FHL3: variants seen among roughly 807,000 people sequenced by gnomAD.
FHL3 encodes the protein four and a half LIM domains protein 3.
In FHL3, 21 loss-of-function variants were observed where a neutral mutation model predicts 34.3. That is an observed-to-expected ratio of 0.61 (90% CI 0.43 to 0.88). FHL3 has a LOEUF of 0.88. Among genes scored for constraint, FHL3 ranks in the 40% least tolerant of loss-of-function variants. The pLI, the probability that FHL3 is intolerant of heterozygous loss-of-function variation, is 0.00. For missense variants in FHL3, 333 were observed against 373.7 expected (o/e 0.89, Z 0.90); for synonymous variants, 137 against 144.6 (o/e 0.95, Z 0.38).
In FHL3 at chr1:37,997,478, G is replaced by A. The variant is rs977074348; in HGVS notation, c.770C>T (p.Ser257Phe). Reference sequence around the variant, plus strand: ...CGGTACGAAGCCCTGGCCCACCAGGGAGGTAGAGCAGCGGGCGCAGGAGAA... The same window carrying A: ...CGGTACGAAGCCCTGGCCCACCAGGAAGGTAGAGCAGCGGGCGCAGGAGAA... ...NCFSCARCST[S>F]LVGQGFVPDG... Residue 257 changes from serine to phenylalanine, a missense_variant, in exon 6 of 6, where the codon TCC (serine) becomes TTC (phenylalanine). Transcript: ENST00000373016. The surrounding 1 kb of genome is among the most constrained non-coding windows in gnomAD (Gnocchi z 4.3). 4 of 1,613,924 alleles carry A rather than the reference G, an allele frequency of 2.5e-6. No individual in the cohort carries two copies. The African/African-American group carries it at 5.3e-5, about 22-fold the overall frequency.
chr1:37,999,947 T>C (rs1646577151), intron 1 of FHL3, among the ~76,000 whole-genome samples: 1 of 152,236 alleles, frequency 6.6e-6, no homozygotes, highest in African/African-American at 2.4e-5. Flanking sequence ...CTGCCCCTCC[T>C]GATCCAGAAA....
chr1:38,001,648 C>A (rs992073436), intron 1 of FHL3, among the ~76,000 whole-genome samples: 1 of 152,212 alleles, frequency 6.6e-6, no homozygotes, highest in Non-Finnish European at 1.5e-5. Context: ...CTGAAGGGAG[C>A]CAGCCTTGTA....
Position 38,000,790 on chromosome 1 carries a change from C to G in FHL3, c.-20-1358G>C, listed in dbSNP as rs532393227. Among the ~76,000 whole-genome samples, 3 of 152,148 alleles carry G rather than the reference C, an allele frequency of 2.0e-5. No individual in the cohort carries two copies. In the South Asian group the frequency reaches 6.2e-4, roughly 32 times the overall value. ...TCTCCTCCATCATGAAGGCTGCTCT[C>G]TAAGGGCTGGGATCCTGGGGTAGTG... is the stretch of plus-strand genomic sequence containing the variant. On this transcript the variant is annotated intron_variant, in intron 1 of 5. Coordinates refer to ENST00000373016, the MANE Select transcript of FHL3 (RefSeq NM_004468.5).
intron 1 of FHL3, among the ~76,000 whole-genome samples, chr1:38,004,106 C>G (rs537082737): frequency 1.3e-5 from 2 of 152,104 alleles, no homozygotes; most frequent in Non-Finnish European, 2.9e-5. Flanking sequence ...CCTCTGCTAC[C>G]GGGCACCAAC....
In FHL3 at chr1:37,997,378, G is replaced by A. The variant is rs1241566706; in HGVS notation, c.*27C>T. The stretch of plus-strand genomic sequence containing the variant: ...GCCACAGTCCTGGGCCCGTGGTATG[G>A]GAAAGCCTGGGTCCAGGAGCCCTGG... On this transcript the variant is annotated 3_prime_UTR_variant, in exon 6 of 6. Transcript: ENST00000373016. This position sits in a 1 kb window ranked among gnomAD's most constrained non-coding sequence, Gnocchi z 4.3. 6.9e-6 allele frequency: 11 copies of A among 1,595,550 alleles called. No individual in the cohort carries two copies. Among genetic ancestry groups the A allele is most frequent in the Non-Finnish European group, 9.3e-6 (11 of 1,176,966 alleles).
chr1:37,997,385 C>G lies in FHL3; in HGVS notation c.*20G>C, dbSNP rs754841380. The G allele has an allele frequency of 6.3e-7, 1 of 1,598,270 alleles. No individual in the cohort carries two copies. Among genetic ancestry groups the G allele is most frequent in the East Asian group, 2.2e-5 (1 of 44,854 alleles). On this transcript the variant is annotated 3_prime_UTR_variant, in exon 6 of 6. Coordinates refer to ENST00000373016, the MANE Select transcript of FHL3 (RefSeq NM_004468.5). This position sits in a 1 kb window ranked among gnomAD's most constrained non-coding sequence, Gnocchi z 4.3. ...TCCTGGGCCCGTGGTATGGGAAAGCCTGGGTCCAGGAGCCCTGGCTTAGGG... is the reference window on the plus strand; with the variant it reads ...TCCTGGGCCCGTGGTATGGGAAAGCGTGGGTCCAGGAGCCCTGGCTTAGGG...
intron 1 of FHL3, among the ~76,000 whole-genome samples, chr1:38,001,940 T>G (rs1209173578): frequency 1.3e-5 from 2 of 152,154 alleles, no homozygotes; most frequent in Admixed American, 1.3e-4. Context: ...CCTCCTAAGT[T>G]TGTTGTCAGG....
chr1:38,005,062 T>TGGTC (rs940835635), intron 1 of FHL3, among the ~76,000 whole-genome samples: 58 of 152,262 alleles, frequency 3.8e-4, no homozygotes, highest in African/African-American at 1.3e-3. Context: ...CCAGCGCTTC[T>TGGTC]GGTCGGTCGG....
intron 1 of FHL3, among the ~76,000 whole-genome samples, chr1:37,999,778 C>T (rs374183744): frequency 9.9e-5 from 15 of 152,240 alleles, no homozygotes; most frequent in African/African-American, 2.9e-4. Context: ...CTGTCCCCAG[C>T]GTGGGAGAAG....
chr1:38,001,345 G>A (rs1020498101), intron 1 of FHL3, among the ~76,000 whole-genome samples: 3 of 152,226 alleles, frequency 2.0e-5, no homozygotes, highest in Non-Finnish European at 4.4e-5. Context: ...CGTCCACAGG[G>A]GGTGCCTGGG....
intron 1 of FHL3, among the ~76,000 whole-genome samples, chr1:38,000,229 G>T (rs1173382700): frequency 6.6e-6 from 1 of 152,232 alleles, no homozygotes; most frequent in East Asian, 1.9e-4. Flanking sequence ...CAGATGGCCA[G>T]ATGTCAGGTT....
At chr1:38,004,725 G>A (rs899432311) in intron 1 of FHL3, among the ~76,000 whole-genome samples, 2 of 152,070 alleles carry the variant, frequency 1.3e-5, no homozygotes, top group African/African-American at 4.8e-5. Flanking sequence ...ACCTCTGCAC[G>A]CCTGAATGTC....
At chr1:37,999,558 G>C in intron 1 of FHL3, 126 bp from the exon 2 acceptor site, 1 of 827,362 alleles carries the variant, frequency 1.2e-6, no homozygotes, top group East Asian at 2.7e-5. Context: ...TTCAGAGTAG[G>C]TGGGGATGGG....
In FHL3 at chr1:37,997,677, G is replaced by A; in HGVS notation, c.688+7C>T. ...CTACCCACTCCGTTCTTTGACCCTT[G>A]TCCCACCTACGATGGGGCGCTTGCA... On this transcript the variant is annotated splice_region_variant and intron_variant, in intron 5 of 5. Coordinates refer to ENST00000373016, the MANE Select transcript of FHL3 (RefSeq NM_004468.5). The surrounding 1 kb of genome is among the most constrained non-coding windows in gnomAD (Gnocchi z 4.3). 1 of 1,613,932 alleles carries A rather than the reference G, an allele frequency of 6.2e-7. No individual in the cohort carries two copies. Among genetic ancestry groups the A allele is most frequent in the African/African-American group, 1.3e-5 (1 of 75,016 alleles).
rs772745372 is a variant in FHL3, at chr1:37,997,047, A to G, written c.*358T>C. On this transcript the variant is annotated 3_prime_UTR_variant, in exon 6 of 6. Coordinates refer to ENST00000373016, the MANE Select transcript of FHL3 (RefSeq NM_004468.5). The surrounding 1 kb of genome is among the most constrained non-coding windows in gnomAD (Gnocchi z 4.3). ...CATAGGAGACCTGAAACCTATAAAGAGAAGTCTAGATTTAAGGGGGCCTAA... is the reference window on the plus strand; with the variant it reads ...CATAGGAGACCTGAAACCTATAAAGGGAAGTCTAGATTTAAGGGGGCCTAA... 4 of 199,718 alleles carry G rather than the reference A, an allele frequency of 2.0e-5. No individual in the cohort carries two copies. The highest frequency in any genetic ancestry group is 3.1e-5 in the Non-Finnish European group (3 of 97,386). The allele number at this position is 199,718 out of a possible 1,614,324, so 12.4% of individuals were successfully genotyped here.
intron 1 of FHL3, among the ~76,000 whole-genome samples, chr1:38,001,920 C>T (rs2148731630): frequency 6.6e-6 from 1 of 152,270 alleles, no homozygotes; most frequent in South Asian, 2.1e-4. Context: ...TGAGATACTA[C>T]CACTTCCTAC....
chr1:38,004,869 G>T (rs1184702505), intron 1 of FHL3, among the ~76,000 whole-genome samples: 1 of 152,080 alleles, frequency 6.6e-6, no homozygotes, highest in African/African-American at 2.4e-5. Context: ...GGGGTCCCAC[G>T]TATGCTTTTT....
rs1028874962 is a variant in FHL3, at chr1:38,005,453, A to G, written c.-117T>C. The G allele has an allele frequency of 6.7e-6, 1 of 149,822 alleles. No homozygotes were observed. The highest frequency in any genetic ancestry group is 1.5e-5 in the Non-Finnish European group (1 of 66,956). 9.3% of individuals were successfully genotyped at this position (149,822 alleles called of 1,614,324 possible). On this transcript the variant is annotated 5_prime_UTR_variant, in exon 1 of 6. Coordinates refer to ENST00000373016, the MANE Select transcript of FHL3 (RefSeq NM_004468.5). Reference sequence around the variant, plus strand: ...GCGGCTCCTACCTGCGGGCCGGGCCAAGCGGGGGCCGAGCGAGCTGCCGGC... The same window carrying G: ...GCGGCTCCTACCTGCGGGCCGGGCCGAGCGGGGGCCGAGCGAGCTGCCGGC...
chr1:37,997,124 G>A lies in FHL3; in HGVS notation c.*281C>T, dbSNP rs1211126245. 5.1e-6 allele frequency: 2 copies of A among 391,832 alleles called. No individual in the cohort carries two copies. The highest frequency in any genetic ancestry group is 3.4e-5 in the South Asian group (1 of 29,176). The allele number at this position is 391,832 out of a possible 1,614,324, so 24.3% of individuals were successfully genotyped here. ...CGGGTCTAGAGCCCTGATTTGGGGA[G>A]AGGACTCAGTCTGGGAACCCAGACT... On this transcript the variant is annotated 3_prime_UTR_variant, in exon 6 of 6. Coordinates refer to ENST00000373016, the MANE Select transcript of FHL3 (RefSeq NM_004468.5). This position sits in a 1 kb window ranked among gnomAD's most constrained non-coding sequence, Gnocchi z 4.3.
Sources: gnomAD v4.1 joint callset for allele counts (sites outside exome capture counted in the v4.1 genomes callset) on GRCh38, gnomAD v4.1.1 for gene constraint, Gnocchi (gnomAD v3.1) non-coding constraint, MANE v1.5 for transcripts, NCBI Gene and HGNC (gene_info 2026-07-23, HGNC 2026-07-21) for gene names.